Variants in WDR27 observed in about 807,000 individuals in gnomAD.
WDR27 encodes WD repeat-containing protein 27.
A neutral mutation model predicts 114.4 loss-of-function variants in WDR27; 100 were observed. The ratio of observed to expected loss-of-function variants is 0.87; its 90% CI spans 0.74 to 1.03. The LOEUF is 1.03. Among genes scored for constraint, WDR27 ranks in the 50% least tolerant of loss-of-function variants. WDR27 has a pLI of 0.00. For missense variants in WDR27, 1,129 were observed against 1,092.9 expected, an observed-to-expected ratio of 1.03 and a Z score of -0.47; for synonymous variants, 449 against 423.1, an observed-to-expected ratio of 1.06 and a Z score of -0.75.
At chr6:169,484,825 G>C (rs568642272) in intron 25 of WDR27, among the ~76,000 whole-genome samples, 36 of 152,178 alleles carry the variant, frequency 2.4e-4, no homozygotes, top group African/African-American at 8.7e-4. Flanking sequence ...AAGAGGCACA[G>C]AGACCAATTG....
intron 25 of WDR27, among the ~76,000 whole-genome samples, chr6:169,473,118 C>G (rs1388708333): frequency 6.6e-6 from 1 of 152,078 alleles, no homozygotes; most frequent in Non-Finnish European, 1.5e-5. Flanking sequence ...AAAATGGCAA[C>G]AAAGAAAAAG....
chr6:169,467,335 G>A (rs771735190), intron 25 of WDR27, among the ~76,000 whole-genome samples: 1 of 152,198 alleles, frequency 6.6e-6, no homozygotes, highest in Non-Finnish European at 1.5e-5. Context: ...CCCCAGTGGG[G>A]ACTCTGTAGG....
At chr6:169,489,509 C>T (rs937857589) in intron 25 of WDR27, among the ~76,000 whole-genome samples, 2 of 152,154 alleles carry the variant, frequency 1.3e-5, no homozygotes, top group East Asian at 1.9e-4. Context: ...TCAAGGCCGT[C>T]GCCCGCTGTG....
At chr6:169,657,562 A>G (rs1429678570) in intron 13 of WDR27, among the ~76,000 whole-genome samples, 1 of 152,230 alleles carries the variant, frequency 6.6e-6, no homozygotes, top group Non-Finnish European at 1.5e-5. Context: ...TTTTCAAATG[A>G]GGTCCAGTAG....
intron 16 of WDR27, among the ~76,000 whole-genome samples, chr6:169,644,220 T>TAGAAAACCC (rs1385713449): frequency 2.0e-5 from 3 of 146,720 alleles, no homozygotes; most frequent in Non-Finnish European, 3.0e-5. Flanking sequence ...AGTCACACTG[T>TAGAAAACCC]TGAAAACCCT....
chr6:169,664,536 G>T (rs1827234567), intron 7 of WDR27: 3 of 1,355,048 alleles, frequency 2.2e-6, no homozygotes, highest in Non-Finnish European at 1.9e-6. Context: ...GGATCCTACT[G>T]TGCAGGCCTC....
chr6:169,471,543 A>C (rs1386780730), intron 25 of WDR27, among the ~76,000 whole-genome samples: 2 of 152,216 alleles, frequency 1.3e-5, no homozygotes, highest in South Asian at 4.1e-4. Context: ...GGCAAGTTTT[A>C]AAATGTCCAT....
At chr6:169,467,888 G>A (rs962103862) in intron 25 of WDR27, among the ~76,000 whole-genome samples, 1 of 152,164 alleles carries the variant, frequency 6.6e-6, no homozygotes, top group Non-Finnish European at 1.5e-5. Context: ...TTTATGCTCT[G>A]CTTTCCTTTT....
chr6:169,584,324 A>G (rs1261362976), intron 23 of WDR27, among the ~76,000 whole-genome samples: 2 of 152,156 alleles, frequency 1.3e-5, no homozygotes, highest in Admixed American at 6.5e-5. Context: ...TAATTTGTTC[A>G]TTGATGAGCT....
In WDR27 at chr6:169,647,234, C is replaced by T. The variant is rs985947085; in HGVS notation, c.1657+539G>A. Among the ~76,000 whole-genome samples, 3 of 152,190 alleles carry T rather than the reference C, an allele frequency of 2.0e-5. 1 individual carries two copies. The highest frequency in any genetic ancestry group is 1.3e-4 in the Admixed American group (2 of 15,276). ...CTGGTGAAGGCATTATCAGGACACACGTGAGAATCGGGCGACTGTCACGGA... is the reference window on the plus strand; with the variant it reads ...CTGGTGAAGGCATTATCAGGACACATGTGAGAATCGGGCGACTGTCACGGA... On this transcript the variant is annotated intron_variant, in intron 16 of 25. Transcript: ENST00000448612.
the WDR27 span, among the ~76,000 whole-genome samples, chr6:169,446,042 CAG>C: frequency 5.3e-5 from 8 of 152,260 alleles, no homozygotes; most frequent in Non-Finnish European, 1.2e-4. Context: ...CCCAGTGAAA[CAG>C]GGAGTCTGAA....
At chr6:169,543,629 A>G (rs947087469) in intron 25 of WDR27, among the ~76,000 whole-genome samples, 2 of 152,164 alleles carry the variant, frequency 1.3e-5, no homozygotes, top group Admixed American at 1.3e-4. Flanking sequence ...TTTTTTCAGC[A>G]TTTAGTCTGT....
chr6:169,553,030 GCAGGGAGGTGGGGAGGGCCTGGAGGGCC>G (rs1562571782), intron 25 of WDR27, among the ~76,000 whole-genome samples: 66 of 109,140 alleles, frequency 6.0e-4, no homozygotes, highest in Non-Finnish European at 1.0e-3. Context: ...GTGTGTGTAT[GCAGGGAGGTGGGGAGGGCCTGGAGGGCC>G]TGTGTGTGTG....
At chr6:169,576,229 G>C (rs1802309790) in intron 24 of WDR27, among the ~76,000 whole-genome samples, 1 of 152,328 alleles carries the variant, frequency 6.6e-6, no homozygotes, top group African/African-American at 2.4e-5. Flanking sequence ...CCACTCTGCT[G>C]GGCTGGGCTG....
intron 25 of WDR27, among the ~76,000 whole-genome samples, chr6:169,502,367 G>C (rs1215249763): frequency 1.3e-5 from 2 of 152,218 alleles, no homozygotes; most frequent in South Asian, 4.1e-4. Context: ...GGTCCCTGTC[G>C]CAGGCCTCCT....
At chr6:169,437,891 C>T in the WDR27 span, among the ~76,000 whole-genome samples, 8 of 151,820 alleles carry the variant, frequency 5.3e-5, no homozygotes, top group African/African-American at 1.9e-4. Flanking sequence ...ATTCTTGGCT[C>T]TTCTTTTTTT....
intron 2 of WDR27, among the ~76,000 whole-genome samples, chr6:169,678,171 C>T (rs77190652): frequency 0.01 from 1,528 of 152,320 alleles, 27 homozygotes; most frequent in African/African-American, 0.035. Context: ...CAGCTTACAC[C>T]CTGCTCCTAG....
intron 25 of WDR27, among the ~76,000 whole-genome samples, chr6:169,543,147 T>A (rs556717378): frequency 6.6e-6 from 1 of 152,228 alleles, no homozygotes; most frequent in South Asian, 2.1e-4. Flanking sequence ...GTAAAATATA[T>A]AGTATTTTAC....
chr6:169,521,934 C>T (rs1794435569), intron 25 of WDR27, among the ~76,000 whole-genome samples: 2 of 151,790 alleles, frequency 1.3e-5, no homozygotes, highest in Non-Finnish European at 2.9e-5. Flanking sequence ...AGAGGGGTTA[C>T]AAAACAACCA....
Sources: allele counts gnomAD v4.1 joint callset (sites outside exome capture counted in the v4.1 genomes callset), GRCh38; gene constraint gnomAD v4.1.1; transcripts MANE v1.5; gene names NCBI Gene and HGNC (gene_info 2026-07-23, HGNC 2026-07-21).